The following TYW1B variants were observed in gnomAD, a reference collection of about 807,000 sequenced individuals.
TYW1B encodes the protein tRNA-yW synthesizing protein 1 homolog B, also known as S-adenosyl-L-methionine-dependent tRNA 4-demethylwyosine synthase TYW1B.
In TYW1B, 73 loss-of-function variants were observed where a neutral mutation model predicts 86.9. The observed-to-expected ratio is 0.84, with a 90% CI of 0.70 to 1.02. The LOEUF (loss-of-function observed/expected upper bound fraction) is 1.02. TYW1B is among the 50% of genes least tolerant of loss of function. The probability of loss-of-function intolerance (pLI) is 0.00; values close to 1 mark genes in which losing one functional copy is unlikely to be tolerated. For synonymous variants in TYW1B, 248 were observed against 292.8 expected (o/e 0.85, Z 1.56); for missense variants, 637 against 827.4 (o/e 0.77, Z 2.82).
chr7:72,659,760 A>G (rs1490710700), intron 11 of TYW1B, among the ~76,000 whole-genome samples: 1 of 152,284 alleles, frequency 6.6e-6, no homozygotes, highest in East Asian at 1.9e-4. Flanking sequence ...AGAAAAAAAC[A>G]ATGAGAGCAA....
At chr7:72,657,669 G>C (rs1231768131) in intron 11 of TYW1B, among the ~76,000 whole-genome samples, 5 of 152,172 alleles carry the variant, frequency 3.3e-5, no homozygotes, top group Non-Finnish European at 7.3e-5. Context: ...GAACAGGAGA[G>C]AATGGGATGA....
intron 11 of TYW1B, among the ~76,000 whole-genome samples, chr7:72,632,438 G>GTATATATATATAATATATATATACA (rs1327372736): frequency 1.3e-5 from 1 of 77,970 alleles, no homozygotes; most frequent in East Asian, 2.7e-4. Flanking sequence ...ATATATATAC[G>GTATATATATATAATATATATATACA]TATATATATA....
At chr7:72,795,382 C>CT (rs1370817278) in intron 6 of TYW1B, among the ~76,000 whole-genome samples, 1 of 151,568 alleles carries the variant, frequency 6.6e-6, no homozygotes, top group African/African-American at 2.4e-5. Context: ...TGGTTATCGC[C>CT]TCACCATGTT....
At chr7:72,763,678 C>A (rs551104904) in intron 7 of TYW1B, among the ~76,000 whole-genome samples, 1 of 152,286 alleles carries the variant, frequency 6.6e-6, no homozygotes, top group African/African-American at 2.4e-5. Flanking sequence ...TTATGAGTGA[C>A]CTATGATTCT....
intron 11 of TYW1B, among the ~76,000 whole-genome samples, chr7:72,641,881 G>A (rs1812807673): frequency 6.6e-6 from 1 of 152,122 alleles, no homozygotes; most frequent in South Asian, 2.1e-4. Context: ...TTTAAAAGCT[G>A]ATCCCAAAAT....
At chr7:72,652,770 C>T (rs1813097007) in intron 11 of TYW1B, among the ~76,000 whole-genome samples, 2 of 152,116 alleles carry the variant, frequency 1.3e-5, no homozygotes, top group South Asian at 2.1e-4. Flanking sequence ...TGGAGTTGTA[C>T]TTCATCATGT....
At chr7:72,662,383 G>A (rs1287336012) in intron 11 of TYW1B, among the ~76,000 whole-genome samples, 2 of 151,844 alleles carry the variant, frequency 1.3e-5, no homozygotes, top group African/African-American at 2.4e-5. Flanking sequence ...GTTAGGAGGA[G>A]AAATGAATGA....
At chr7:72,692,424 G>A (rs1257441780) in intron 11 of TYW1B, among the ~76,000 whole-genome samples, 2 of 152,078 alleles carry the variant, frequency 1.3e-5, no homozygotes, top group Non-Finnish European at 2.9e-5. Context: ...TGAGGCAGGA[G>A]GATCATTTGG....
At chr7:72,587,998 C>G (rs527301474) in intron 13 of TYW1B, among the ~76,000 whole-genome samples, 3 of 152,274 alleles carry the variant, frequency 2.0e-5, no homozygotes, top group Non-Finnish European at 2.9e-5. Flanking sequence ...AAAATTTGTT[C>G]TTGCCGGTTG....
At chr7:72,788,106 T>G (rs544136535) in intron 6 of TYW1B, among the ~76,000 whole-genome samples, 2 of 152,036 alleles carry the variant, frequency 1.3e-5, no homozygotes, top group African/African-American at 4.8e-5. Context: ...GGCTCCCGAG[T>G]AGCTGGGACT....
intron 4 of TYW1B, among the ~76,000 whole-genome samples, chr7:72,809,999 CAAA>C (rs59099398): frequency 1.7e-4 from 13 of 75,918 alleles, no homozygotes; most frequent in African/African-American, 3.0e-4. Context: ...ACTCTGTTTC[CAAA>C]AAAAAAAAAA....
chr7:72,589,384 C>T (rs1247907602), intron 13 of TYW1B, among the ~76,000 whole-genome samples: 4 of 152,250 alleles, frequency 2.6e-5, no homozygotes, highest in South Asian at 2.1e-4. Context: ...CCTCAAAGTG[C>T]TAATAGGAAA....
chr7:72,700,987 C>T (rs575623590), intron 10 of TYW1B, among the ~76,000 whole-genome samples: 1 of 151,584 alleles, frequency 6.6e-6, no homozygotes, highest in South Asian at 2.1e-4. Context: ...TTGCTTGAAT[C>T]GGGGAGGCGG....
intron 11 of TYW1B, among the ~76,000 whole-genome samples, chr7:72,690,382 T>G (rs1814118184): frequency 6.6e-6 from 1 of 152,258 alleles, no homozygotes; most frequent in South Asian, 2.1e-4. Flanking sequence ...GGTATCTTGA[T>G]GGAAGTGGTT....
intron 7 of TYW1B, among the ~76,000 whole-genome samples, chr7:72,771,582 A>T (rs572448846): frequency 1.7e-4 from 26 of 152,146 alleles, no homozygotes; most frequent in African/African-American, 5.8e-4. Flanking sequence ...AAAAACAAAC[A>T]AAAAAAACCT....
At chr7:72,768,347 C>CT (rs1554468933) in intron 7 of TYW1B, among the ~76,000 whole-genome samples, 1 of 152,108 alleles carries the variant, frequency 6.6e-6, no homozygotes, top group Non-Finnish European at 1.5e-5. Context: ...CCCCGAAGAG[C>CT]TCCTGCCACC....
At chr7:72,690,823 C>T (rs1168920100) in intron 11 of TYW1B, among the ~76,000 whole-genome samples, 1 of 151,304 alleles carries the variant, frequency 6.6e-6, no homozygotes, top group Non-Finnish European at 1.5e-5. Context: ...TCTCGGCTCG[C>T]TACAACCTCC....
chr7:72,770,281 T>C (rs1282106856), intron 7 of TYW1B, among the ~76,000 whole-genome samples: 6 of 150,462 alleles, frequency 4.0e-5, no homozygotes, highest in Admixed American at 6.6e-5. Flanking sequence ...ATAGAAAAAT[T>C]AGCTGGGTGT....
chr7:72,769,053 T>C (rs1405164891), intron 7 of TYW1B: 1 of 367,224 alleles, frequency 2.7e-6, no homozygotes, highest in East Asian at 7.3e-5. Context: ...TCATAATTTA[T>C]GGGATGGTGC....
Sources: gnomAD v4.1 joint callset for allele counts (sites outside exome capture counted in the v4.1 genomes callset) on GRCh38, gnomAD v4.1.1 for gene constraint, MANE v1.5 for transcripts, NCBI Gene and HGNC (gene_info 2026-07-23, HGNC 2026-07-21) for gene names.